CAST: variants seen among roughly 807,000 people sequenced by gnomAD.
CAST encodes the protein MIR583 host.
In CAST, 76 loss-of-function variants were observed where a neutral mutation model predicts 119.6. That is an observed-to-expected ratio of 0.64 (90% CI 0.53 to 0.77). CAST has a LOEUF of 0.77. CAST is among the 30% of genes least tolerant of loss of function. The pLI is 0.00. For synonymous variants in CAST, 319 were observed against 331.6 expected (o/e 0.96, Z 0.41); for missense variants, 953 against 946.5 (o/e 1.01, Z -0.09).
intron 1 of CAST, among the ~76,000 whole-genome samples, chr5:96,636,926 C>T (rs571317455): frequency 3.7e-5 from 4 of 109,054 alleles, no homozygotes; most frequent in East Asian, 2.5e-4. Context: ...GGTCAAGATG[C>T]GGTGTTGGGG....
intron 1 of CAST, among the ~76,000 whole-genome samples, chr5:96,624,669 C>T (rs147963063): frequency 1.2e-4 from 18 of 152,288 alleles, no homozygotes; most frequent in Non-Finnish European, 2.4e-4. Flanking sequence ...GCACCCATCC[C>T]TTGTTTATGA....
intron 1 of CAST, among the ~76,000 whole-genome samples, chr5:96,566,931 T>C: frequency 6.6e-6 from 1 of 152,232 alleles, no homozygotes; most frequent in East Asian, 1.9e-4. Flanking sequence ...TTGTTTTGTT[T>C]CAAATGTACT....
chr5:96,380,852 T>C, the CAST span, among the ~76,000 whole-genome samples: 1 of 152,142 alleles, frequency 6.6e-6, no homozygotes, highest in Non-Finnish European at 1.5e-5. Flanking sequence ...TGCTTGGGGG[T>C]TACAAAATTA....
chr5:96,216,169 G>A, the CAST span, among the ~76,000 whole-genome samples: 1 of 152,032 alleles, frequency 6.6e-6, no homozygotes, highest in Non-Finnish European at 1.5e-5. Flanking sequence ...ACAGTATATA[G>A]GACATAAACA....
chr5:96,440,361 G>A, the CAST span, among the ~76,000 whole-genome samples: 1 of 152,188 alleles, frequency 6.6e-6, no homozygotes, highest in South Asian at 2.1e-4. Context: ...CTGTAGACTT[G>A]TACCTCTACT....
the CAST span, among the ~76,000 whole-genome samples, chr5:96,370,000 C>A: frequency 6.6e-6 from 1 of 152,034 alleles, no homozygotes; most frequent in Non-Finnish European, 1.5e-5. Flanking sequence ...TATGAAATTT[C>A]TGCTATTCAT....
chr5:96,730,648 G>A (rs1760262212), intron 8 of CAST, 132 bp from the exon 9 acceptor site: 5 of 689,640 alleles, frequency 7.3e-6, no homozygotes. Context: ...TACAATAGAA[G>A]TGAGCAAACA....
At chr5:96,374,947 G>A in the CAST span, among the ~76,000 whole-genome samples, 1 of 152,156 alleles carries the variant, frequency 6.6e-6, no homozygotes. Context: ...CCCACAGGTA[G>A]AAGATGGGCA....
At chr5:95,961,667 A>G in the CAST span, 1 of 1,608,364 alleles carries the variant, frequency 6.2e-7, no homozygotes, top group Admixed American at 1.7e-5. Flanking sequence ...AGCCGTCCGC[A>G]CGACAGCCCA....
the CAST span, chr5:96,393,071 G>C: frequency 6.2e-7 from 1 of 1,613,866 alleles, no homozygotes; most frequent in African/African-American, 1.3e-5. Flanking sequence ...GTAAGGTTTA[G>C]TGTTATAAAA....
the CAST span, among the ~76,000 whole-genome samples, chr5:96,268,915 C>A: frequency 6.6e-6 from 1 of 152,084 alleles, no homozygotes; most frequent in African/African-American, 2.4e-5. Flanking sequence ...CAGTTTCCCC[C>A]AATGCTGTTC....
At chr5:96,614,403 G>A (rs1420164727) in intron 1 of CAST, among the ~76,000 whole-genome samples, 2 of 152,148 alleles carry the variant, frequency 1.3e-5, no homozygotes. Context: ...CATCCAGCCG[G>A]GACATGCCCA....
chr5:96,251,094 ATAATCT>A, the CAST span, among the ~76,000 whole-genome samples: 1 of 152,214 alleles, frequency 6.6e-6, no homozygotes, highest in Non-Finnish European at 1.5e-5. Context: ...CTCAGAGCCA[ATAATCT>A]TAATATTTAC....
chr5:96,046,730 G>A, the CAST span, among the ~76,000 whole-genome samples: 1 of 152,200 alleles, frequency 6.6e-6, no homozygotes, highest in Non-Finnish European at 1.5e-5. Context: ...AGACATACCT[G>A]AGACTGAGAA....
At chr5:96,246,345 G>T in the CAST span, among the ~76,000 whole-genome samples, 5 of 151,914 alleles carry the variant, frequency 3.3e-5, no homozygotes, top group African/African-American at 1.2e-4. Context: ...ACCATGCCCG[G>T]CTAATTTCTT....
chr5:96,541,041 G>A (rs1348941285), intron 1 of CAST, among the ~76,000 whole-genome samples: 1 of 151,322 alleles, frequency 6.6e-6, no homozygotes, highest in Admixed American at 6.6e-5. Context: ...AAGTCGCAAT[G>A]CACAGAACAT....
the CAST span, among the ~76,000 whole-genome samples, chr5:96,429,484 A>C: frequency 6.6e-6 from 1 of 152,298 alleles, no homozygotes; most frequent in African/African-American, 2.4e-5. Flanking sequence ...TCAGCAGTAC[A>C]AGTACAGGTT....
chr5:95,967,671 C>T, the CAST span, among the ~76,000 whole-genome samples: 9 of 152,150 alleles, frequency 5.9e-5, no homozygotes, highest in East Asian at 5.8e-4. Context: ...TCGTTGCTGT[C>T]GCCATGTGAA....
the CAST span, among the ~76,000 whole-genome samples, chr5:96,054,165 T>C: frequency 6.6e-6 from 1 of 152,206 alleles, no homozygotes; most frequent in African/African-American, 2.4e-5. Flanking sequence ...GTAGTTTTTT[T>C]CCAAACCAGT....
Sources: gnomAD v4.1 joint callset for allele counts (sites outside exome capture counted in the v4.1 genomes callset) on GRCh38, gnomAD v4.1.1 for gene constraint, MANE v1.5 for transcripts, NCBI Gene and HGNC (gene_info 2026-07-23, HGNC 2026-07-21) for gene names.